LBH: variants seen among roughly 807,000 people sequenced by gnomAD.
LBH encodes LBH regulator of Wnt signaling pathway.
LBH carries 7 observed loss-of-function variants against 12.5 expected under a neutral mutation model. The observed-to-expected ratio is 0.56, with a 90% confidence interval of 0.32 to 1.05. LBH has a LOEUF of 1.05. Among genes scored for constraint, LBH ranks in the 50% least tolerant of loss-of-function variants. The pLI is 0.04. For synonymous variants in LBH, 51 were observed against 50.1 expected (o/e 1.02, Z -0.08); for missense variants, 119 against 138.9 (o/e 0.86, Z 0.72).
intron 2 of LBH, among the ~76,000 whole-genome samples, chr2:30,241,804 A>G (rs543523600): frequency 1.3e-5 from 2 of 152,140 alleles, no homozygotes; most frequent in East Asian, 1.9e-4. Context: ...AGTCACCACA[A>G]TTTCACCATG....
At chr2:30,233,442 CT>C (rs1423613022) in intron 1 of LBH, among the ~76,000 whole-genome samples, 3 of 152,230 alleles carry the variant, frequency 2.0e-5, no homozygotes, top group Non-Finnish European at 4.4e-5. Flanking sequence ...TCTGGTACCC[CT>C]GTTTCCTTAG....
chr2:30,259,223 T>G lies in LBH; in HGVS notation c.*1602T>G, dbSNP rs1659280674. On this transcript the variant is annotated 3_prime_UTR_variant, in exon 3 of 3. Transcript: ENST00000395323. Reference sequence around the variant, plus strand: ...TAATACCTCAAGGTCATTGTGGCTCTGGGGATGCCGGGGCAGGAGGACGAG... The same window carrying G: ...TAATACCTCAAGGTCATTGTGGCTCGGGGGATGCCGGGGCAGGAGGACGAG... 1 of 152,982 alleles carries G rather than the reference T, an allele frequency of 6.5e-6. No individual in the cohort carries two copies. Among genetic ancestry groups the G allele is most frequent in the African/African-American group, 2.4e-5 (1 of 41,462 alleles). 9.5% of individuals were successfully genotyped at this position (152,982 alleles called of 1,614,324 possible).
chr2:30,232,096 C>A (rs1378152856), intron 1 of LBH: 3 of 1,535,688 alleles, frequency 2.0e-6, no homozygotes, highest in Admixed American at 4.1e-5. Context: ...GCAGGAGGCG[C>A]GCGCCCCACT....
chr2:30,251,625 C>G (rs1203931759), intron 2 of LBH, among the ~76,000 whole-genome samples: 1 of 146,278 alleles, frequency 6.8e-6, no homozygotes, highest in Non-Finnish European at 1.5e-5. Flanking sequence ...TGAGATTGTG[C>G]CATTGCACTC....
intron 2 of LBH, among the ~76,000 whole-genome samples, chr2:30,244,352 A>T (rs1260994980): frequency 6.6e-6 from 1 of 152,096 alleles, no homozygotes; most frequent in Non-Finnish European, 1.5e-5. Context: ...ATACTACTTC[A>T]CATTTTAACA....
At chr2:30,245,982 G>A (rs1479304770) in intron 2 of LBH, among the ~76,000 whole-genome samples, 1 of 127,192 alleles carries the variant, frequency 7.9e-6, no homozygotes, top group South Asian at 2.6e-4. Context: ...TTTTTCCCTT[G>A]AGACACAATC....
At position 30,231,693 on chromosome 2, in the gene LBH, C is replaced by T. The variant is rs776396657; in HGVS notation, c.-46C>T. On this transcript the variant is annotated 5_prime_UTR_variant, in exon 1 of 3. Transcript: ENST00000395323. ...GTCATCCTCACTCGGGACGCAGGGA[C>T]CGTTTTTAAATCACAGGGGCGTGTG... 1 of 1,577,280 alleles carries T rather than the reference C, an allele frequency of 6.3e-7. No individual in the cohort carries two copies. The highest frequency in any genetic ancestry group is 8.6e-7 in the Non-Finnish European group (1 of 1,156,598).
chr2:30,241,462 T>A (rs1235532381), intron 2 of LBH, among the ~76,000 whole-genome samples: 1 of 145,956 alleles, frequency 6.9e-6, no homozygotes, highest in Non-Finnish European at 1.5e-5. Flanking sequence ...CTTTCTTTCT[T>A]TTTTTTTTTT....
chr2:30,238,920 C>T (rs574317191), intron 2 of LBH, among the ~76,000 whole-genome samples: 19 of 135,574 alleles, frequency 1.4e-4, no homozygotes, highest in Non-Finnish European at 2.0e-4. Flanking sequence ...GATGAAGTCT[C>T]GCTGTGTCGC....
intron 2 of LBH, among the ~76,000 whole-genome samples, chr2:30,240,684 C>T (rs1170234175): frequency 6.6e-6 from 1 of 152,172 alleles, no homozygotes; most frequent in Non-Finnish European, 1.5e-5. Flanking sequence ...TCAATTTGCC[C>T]AAAGTTTCTC....
chr2:30,237,432 C>CGCTTCGAGGCATCCTCGATGAT (rs141470094), intron 2 of LBH, among the ~76,000 whole-genome samples: 4,342 of 150,186 alleles, frequency 0.029, 100 homozygotes, highest in South Asian at 0.089. Flanking sequence ...CCAATGATGC[C>CGCTTCGAGGCATCCTCGATGAT]GCTTCGAGGA....
chr2:30,258,598 C>A lies in LBH; in HGVS notation c.*977C>A, dbSNP rs538858432. The stretch of plus-strand genomic sequence containing the variant: ...TCACCGCCACCTTCCCTGCCCCAGC[C>A]CCAGCAGCCATGGGTACATGGGTCC... On this transcript the variant is annotated 3_prime_UTR_variant, in exon 3 of 3. Coordinates refer to ENST00000395323, the MANE Select transcript of LBH (RefSeq NM_030915.4). The A allele has an allele frequency of 1.2e-4, 19 of 153,154 alleles. No individual in the cohort carries two copies. Among genetic ancestry groups the A allele is most frequent in the Non-Finnish European group, 2.5e-4 (17 of 68,736 alleles). The allele number at this position is 153,154 out of a possible 1,614,324, so 9.5% of individuals were successfully genotyped here.
chr2:30,234,718 G>A (rs1677655717), intron 2 of LBH, among the ~76,000 whole-genome samples: 1 of 152,214 alleles, frequency 6.6e-6, no homozygotes, highest in Non-Finnish European at 1.5e-5. Context: ...GATTCACCAT[G>A]ACAAGTGGAT....
intron 2 of LBH, among the ~76,000 whole-genome samples, chr2:30,247,580 G>A (rs1199049951): frequency 6.6e-6 from 1 of 152,014 alleles, no homozygotes; most frequent in Non-Finnish European, 1.5e-5. Context: ...TTTCAAGTAA[G>A]AATGGTGCTC....
intron 2 of LBH, among the ~76,000 whole-genome samples, chr2:30,238,411 A>G (rs1013018302): frequency 1.3e-5 from 2 of 152,180 alleles, no homozygotes; most frequent in African/African-American, 4.8e-5. Flanking sequence ...TTCTCTAATC[A>G]GCACACGTCC....
rs1176139079 is a variant in LBH, at chr2:30,232,099, G to C, written c.26+335G>C. On this transcript the variant is annotated intron_variant, in intron 1 of 2. Coordinates refer to ENST00000395323, the MANE Select transcript of LBH (RefSeq NM_030915.4). ...ATGCGGAGAGCTGCAGGAGGCGCGCGCCCCACTTGGCGCAGGGGGGCTCCT... is the reference window on the plus strand; with the variant it reads ...ATGCGGAGAGCTGCAGGAGGCGCGCCCCCCACTTGGCGCAGGGGGGCTCCT... The C allele has an allele frequency of 2.0e-6, 3 of 1,536,968 alleles. No individual in the cohort carries two copies. In the African/African-American group the frequency reaches 4.1e-5, roughly 21 times the overall value.
At chr2:30,245,324 A>G (rs907305247) in intron 2 of LBH, among the ~76,000 whole-genome samples, 23 of 152,256 alleles carry the variant, frequency 1.5e-4, no homozygotes, top group African/African-American at 5.3e-4. Flanking sequence ...AGTGGTATGT[A>G]TATTTTATTT....
intron 2 of LBH, among the ~76,000 whole-genome samples, chr2:30,255,305 G>A (rs1572384804): frequency 1.3e-5 from 2 of 152,232 alleles, no homozygotes; most frequent in African/African-American, 2.4e-5. Flanking sequence ...CTCCTCGCTC[G>A]GCACATGCAC....
chr2:30,238,223 C>A (rs578180917), intron 2 of LBH, among the ~76,000 whole-genome samples: 252 of 152,334 alleles, frequency 1.7e-3, no homozygotes, highest in African/African-American at 5.8e-3. Context: ...CCCAACGGCA[C>A]TGGGACCCTG....
Sources: gnomAD v4.1 joint callset for allele counts (sites outside exome capture counted in the v4.1 genomes callset) on GRCh38, gnomAD v4.1.1 for gene constraint, MANE v1.5 for transcripts, NCBI Gene and HGNC (gene_info 2026-07-23, HGNC 2026-07-21) for gene names.